The following JMY variants were observed in gnomAD, a reference collection of about 807,000 sequenced individuals.
JMY encodes junction-mediating and -regulatory protein.
In JMY, 46 loss-of-function variants were observed where a neutral mutation model predicts 103.3. The ratio of observed to expected loss-of-function variants is 0.45; its 90% CI spans 0.35 to 0.57. The LOEUF (loss-of-function observed/expected upper bound fraction) is 0.57. Among genes scored for constraint, JMY ranks in the 20% least tolerant of loss-of-function variants. The probability of loss-of-function intolerance (pLI) is 0.00; values close to 1 mark genes in which losing one functional copy is unlikely to be tolerated. For missense variants in JMY, 1,238 were observed against 1,255.2 expected (o/e 0.99, Z 0.21); for synonymous variants, 526 against 489.3 (o/e 1.07, Z -0.99).
chr5:79,284,084 T>C (rs907668890), intron 2 of JMY: 2 of 1,199,144 alleles, frequency 1.7e-6, no homozygotes, highest in African/African-American at 3.2e-5. Context: ...ATTTTTATTT[T>C]TTTTCACAAA....
rs149300667 is a variant in JMY, at chr5:79,258,860, A to G, written c.1033-19050A>G. On this transcript the variant is annotated intron_variant, in intron 1 of 10. Transcript: ENST00000396137. ...CTTGTTGGCTGTAACATTGTGGGCA[A>G]GGGGTGTTTCAGCCCTGTTTGTGTT... Among the ~76,000 whole-genome samples the G allele has an allele frequency of 3.8e-4, 58 of 152,288 alleles. 1 individual carries two copies. The highest frequency in any genetic ancestry group is 1.3e-3 in the African/African-American group (55 of 41,570).
chr5:79,238,558 A>G (rs535900694), intron 1 of JMY, among the ~76,000 whole-genome samples: 152 of 152,236 alleles, frequency 1.0e-3, no homozygotes, highest in African/African-American at 3.5e-3. Context: ...AATGGATACT[A>G]CTACACGTAG....
intron 6 of JMY, among the ~76,000 whole-genome samples, chr5:79,301,171 C>A (rs985438160): frequency 1.3e-5 from 2 of 152,128 alleles, no homozygotes; most frequent in Non-Finnish European, 2.9e-5. Flanking sequence ...TTTTTACAAG[C>A]CCTGATTCTG....
chr5:79,278,111 G>A, intron 2 of JMY, 28 bp downstream of exon 2: 1 of 1,559,660 alleles, frequency 6.4e-7, no homozygotes, highest in South Asian at 1.2e-5. Context: ...CTAACTAGTA[G>A]CCTGCCTGTT....
chr5:79,273,130 T>C (rs1052152999), intron 1 of JMY, among the ~76,000 whole-genome samples: 1 of 152,268 alleles, frequency 6.6e-6, no homozygotes, highest in African/African-American at 2.4e-5. Flanking sequence ...ACTAATATCA[T>C]TTCCAGCAAT....
At chr5:79,268,242 C>T (rs1457501865) in intron 1 of JMY, among the ~76,000 whole-genome samples, 2 of 152,114 alleles carry the variant, frequency 1.3e-5, no homozygotes, top group Non-Finnish European at 2.9e-5. Context: ...TCCTGCCTGT[C>T]TATCTCTCAG....
intron 1 of JMY, among the ~76,000 whole-genome samples, chr5:79,244,065 A>G (rs779532848): frequency 7.0e-5 from 10 of 143,730 alleles, no homozygotes; most frequent in Non-Finnish European, 1.2e-4. Flanking sequence ...CAGTGGTGTG[A>G]TCTCGGCTCA....
At position 79,270,520 on chromosome 5, in the gene JMY, AAT is replaced by A. The variant is rs1204739438; in HGVS notation, c.1033-7383_1033-7382del. ...AATATATATTTACATAAATATTTAA[AAT>A]ATATATTTACATAAATATTTAAAAT... On this transcript the variant is annotated intron_variant, in intron 1 of 10. Transcript: ENST00000396137. Among the ~76,000 whole-genome samples, 92 of 81,634 alleles carry A rather than the reference AAT, an allele frequency of 1.1e-3. 32 individuals carry two copies. Among genetic ancestry groups the A allele is most frequent in the Non-Finnish European group, 2.1e-3 (77 of 36,238 alleles). The allele number at this position is 81,634 out of a possible 152,430, so 53.6% of individuals were successfully genotyped here.
At chr5:79,312,158 A>G (rs1580371841) in intron 7 of JMY, among the ~76,000 whole-genome samples, 1 of 152,310 alleles carries the variant, frequency 6.6e-6, no homozygotes, top group South Asian at 2.1e-4. Context: ...CATTTAAGTT[A>G]GCATAATATA....
intron 2 of JMY, among the ~76,000 whole-genome samples, chr5:79,280,636 C>T (rs889234253): frequency 6.6e-6 from 1 of 152,128 alleles, no homozygotes; most frequent in South Asian, 2.1e-4. Context: ...TAGTTAGCAA[C>T]TCATACATTA....
At position 79,312,407 on chromosome 5, in the gene JMY, G is replaced by C; in HGVS notation, c.1973G>C (p.Arg658Thr). 6.5e-7 allele frequency: 1 copy of C among 1,547,910 alleles called. No individual in the cohort carries two copies. Among genetic ancestry groups the C allele is most frequent in the South Asian group, 1.3e-5 (1 of 79,604 alleles). The change falls in exon 8 of 11, where the codon AGA becomes ACA. Residue 658 changes from arginine to threonine, a missense_variant. Physicochemically the swap from Arg to Thr is moderately conservative, Grantham distance 71 (BLOSUM62 -1). Transcript: ENST00000396137. The stretch of plus-strand genomic sequence containing the variant: ...TTATTATTAATTTTTTACCAGAAGA[G>C]AGAAAAATTACATGATGAAGAAGAA... ...YRTHHTVQLK[R>T]EKLHDEEERK...
intron 1 of JMY, among the ~76,000 whole-genome samples, chr5:79,269,700 AT>A (rs1371092262): frequency 2.0e-5 from 3 of 151,762 alleles, no homozygotes; most frequent in East Asian, 3.9e-4. Context: ...AACATTTGGA[AT>A]TTTTTTTGAA....
chr5:79,283,960 G>A (rs1341938537), intron 2 of JMY, among the ~76,000 whole-genome samples: 1 of 152,080 alleles, frequency 6.6e-6, no homozygotes, highest in African/African-American at 2.4e-5. Context: ...ATTAAAAAGT[G>A]CAAAAAGCGT....
chr5:79,270,490 C>A (rs752839687), intron 1 of JMY, among the ~76,000 whole-genome samples: 12 of 52,418 alleles, frequency 2.3e-4, no homozygotes, highest in South Asian at 1.0e-3. Context: ...TAAATATTTA[C>A]ATAAAATATA....
chr5:79,246,296 A>G (rs528095809), intron 1 of JMY, among the ~76,000 whole-genome samples: 1 of 152,270 alleles, frequency 6.6e-6, no homozygotes, highest in Non-Finnish European at 1.5e-5. Flanking sequence ...ATCCACACCT[A>G]TGGGGCCATA....
chr5:79,267,953 C>T (rs2112073298), intron 1 of JMY, among the ~76,000 whole-genome samples: 1 of 152,278 alleles, frequency 6.6e-6, no homozygotes, highest in South Asian at 2.1e-4. Context: ...TTGTAAGAAA[C>T]TGTCAGAGTG....
At chr5:79,243,868 T>C (rs1744811548) in intron 1 of JMY, among the ~76,000 whole-genome samples, 1 of 152,250 alleles carries the variant, frequency 6.6e-6, no homozygotes, top group South Asian at 2.1e-4. Flanking sequence ...TTAGGGCTTC[T>C]ATAAAACAAA....
At chr5:79,313,312 G>T (rs768367658) in intron 8 of JMY, among the ~76,000 whole-genome samples, 37 of 152,082 alleles carry the variant, frequency 2.4e-4, no homozygotes, top group Non-Finnish European at 4.9e-4. Context: ...CCGGCCATTT[G>T]GGTGGCTGAA....
In JMY at chr5:79,316,263, G is replaced by C; in HGVS notation, c.2923G>C (p.Glu975Gln). ...RRIKEASPES[E>Q]DEEEALPCTD... is the part of the protein sequence containing the mutation. ...AATTAAAGAAGCATCCCCAGAGTCA[G>C]AGGACGAAGAGGAGGCTTTACCTTG... The change falls in exon 10 of 11, where the codon GAG (glutamate) becomes CAG (glutamine). Residue 975 changes from glutamate (E) to glutamine (Q), a missense_variant. Transcript: ENST00000396137. 2 of 1,613,362 alleles carry C rather than the reference G, an allele frequency of 1.2e-6. No individual in the cohort carries two copies. The highest frequency in any genetic ancestry group is 1.7e-6 in the Non-Finnish European group (2 of 1,179,644).
Sources: gnomAD v4.1 joint callset for allele counts (sites outside exome capture counted in the v4.1 genomes callset) on GRCh38, gnomAD v4.1.1 for gene constraint, MANE v1.5 for transcripts, NCBI Gene and HGNC (gene_info 2026-07-23, HGNC 2026-07-21) for gene names.